Variants in PDE4B observed in about 807,000 individuals in gnomAD.
PDE4B encodes 3',5'-cyclic-AMP phosphodiesterase 4B.
In PDE4B, 20 loss-of-function variants were observed where a neutral mutation model predicts 82.2. The ratio of observed to expected loss-of-function variants is 0.24; its 90% CI spans 0.17 to 0.35. The LOEUF (loss-of-function observed/expected upper bound fraction) is 0.35, where lower values mean the gene tolerates loss of function less well. Ranked by LOEUF, PDE4B falls within the 10% of genes least tolerant of loss-of-function variation. PDE4B has a pLI of 1.00. For synonymous variants in PDE4B, 320 were observed against 318.9 expected, an observed-to-expected ratio of 1.00 and a Z score of -0.04; for missense variants, 655 against 907.2, an observed-to-expected ratio of 0.72 and a Z score of 3.57.
At position 65,814,159 on chromosome 1, in the gene PDE4B, C is replaced by G. The variant is rs530303730; in HGVS notation, c.-71+20911C>G. 6.2e-4 allele frequency among the ~76,000 whole-genome samples: 94 copies of G among 152,300 alleles called. 1 individual carries two copies. Among genetic ancestry groups the G allele is most frequent in the African/African-American group, 2.3e-3 (94 of 41,566 alleles). ...GACTACAGCACATTGCTTGCCAAAG[C>G]CTTGCCCGAGGCAGCTGCTGGTTGA... On this transcript the variant is annotated intron_variant, in intron 1 of 16. Transcript: ENST00000341517.
intron 4 of PDE4B, among the ~76,000 whole-genome samples, chr1:66,255,487 A>G (rs1353553525): frequency 6.6e-6 from 1 of 152,210 alleles, no homozygotes; most frequent in Non-Finnish European, 1.5e-5. Flanking sequence ...TATTCTCTAC[A>G]AATGTCTATA....
chr1:65,925,896 C>G (rs1295092589), intron 3 of PDE4B, among the ~76,000 whole-genome samples: 2 of 152,106 alleles, frequency 1.3e-5, no homozygotes, highest in East Asian at 1.9e-4. Context: ...TGCCTATGAC[C>G]CCACGCCCTC....
chr1:65,805,925 T>C (rs1645749930), intron 1 of PDE4B, among the ~76,000 whole-genome samples: 1 of 152,208 alleles, frequency 6.6e-6, no homozygotes, highest in South Asian at 2.1e-4. Context: ...ATTTCAAGAT[T>C]ATGTACCTGG....
chr1:66,366,246 A>G (rs1413400755), intron 13 of PDE4B, among the ~76,000 whole-genome samples: 1 of 152,146 alleles, frequency 6.6e-6, no homozygotes, highest in Non-Finnish European at 1.5e-5. Flanking sequence ...TCCACAGTTC[A>G]GAAGGAAGGG....
chr1:66,054,217 A>G (rs1412057436), intron 3 of PDE4B, among the ~76,000 whole-genome samples: 1 of 152,196 alleles, frequency 6.6e-6, no homozygotes, highest in Non-Finnish European at 1.5e-5. Context: ...CTAACGTGTA[A>G]TATGTTTGGA....
At chr1:66,045,133 A>T (rs1654618907) in intron 3 of PDE4B, among the ~76,000 whole-genome samples, 1 of 151,714 alleles carries the variant, frequency 6.6e-6, no homozygotes, top group African/African-American at 2.4e-5. Flanking sequence ...ACCAGGACTT[A>T]TGACTGTTTA....
intron 3 of PDE4B, among the ~76,000 whole-genome samples, chr1:66,202,471 T>C (rs1084490): frequency 0.46 from 70,424 of 152,024 alleles, 16,519 homozygotes; most frequent in African/African-American, 0.53. Context: ...ATTATTATTT[T>C]GTGGGAGTCT....
intron 1 of PDE4B, among the ~76,000 whole-genome samples, chr1:65,819,561 G>A (rs1645928209): frequency 6.6e-6 from 1 of 151,036 alleles, no homozygotes; most frequent in Non-Finnish European, 1.5e-5. Context: ...GAGTACAGTG[G>A]CGCGATCTCG....
In PDE4B at chr1:65,958,097, A is replaced by G. The variant is rs981206658; in HGVS notation, c.281+39262A>G. 4.6e-5 allele frequency among the ~76,000 whole-genome samples: 7 copies of G among 152,224 alleles called. No individual in the cohort carries two copies. The East Asian group carries it at 7.7e-4, about 17-fold the overall frequency. ...TCATATTGTACAGGGAATTGCAATC[A>G]GATTATGTCTGTTGTAGGCTTTTTA... On this transcript the variant is annotated intron_variant, in intron 3 of 16. Coordinates refer to ENST00000341517, the MANE Select transcript of PDE4B (RefSeq NM_002600.4).
chr1:66,153,483 G>A (rs1646443147), intron 3 of PDE4B, among the ~76,000 whole-genome samples: 1 of 152,086 alleles, frequency 6.6e-6, no homozygotes, highest in Admixed American at 6.6e-5. Context: ...AACCTCATGG[G>A]TTTTTTTGTT....
At chr1:66,131,316 A>T (rs1645937718) in intron 3 of PDE4B, among the ~76,000 whole-genome samples, 1 of 152,070 alleles carries the variant, frequency 6.6e-6, no homozygotes, top group African/African-American at 2.4e-5. Flanking sequence ...AGTCAATTCC[A>T]CTAAGCAGCT....
intron 3 of PDE4B, among the ~76,000 whole-genome samples, chr1:65,969,949 G>A (rs1028840954): frequency 6.6e-6 from 1 of 151,890 alleles, no homozygotes; most frequent in Non-Finnish European, 1.5e-5. Flanking sequence ...GAAAATTATG[G>A]TCCACTCTCA....
At chr1:65,926,728 T>C (rs536173172) in intron 3 of PDE4B, among the ~76,000 whole-genome samples, 29 of 152,270 alleles carry the variant, frequency 1.9e-4, no homozygotes, top group African/African-American at 6.7e-4. Context: ...TTTTGCTTTC[T>C]CTTGCTACTT....
chr1:66,199,705 A>G (rs545033447), intron 3 of PDE4B, among the ~76,000 whole-genome samples: 2 of 152,224 alleles, frequency 1.3e-5, no homozygotes, highest in African/African-American at 2.4e-5. Context: ...GGCCTTAAGT[A>G]GGAGATTCAC....
intron 7 of PDE4B, among the ~76,000 whole-genome samples, chr1:66,301,393 AT>A (rs1657886612): frequency 6.6e-6 from 1 of 151,948 alleles, no homozygotes; most frequent in South Asian, 2.1e-4. Flanking sequence ...TGTTGTTGTC[AT>A]TTTCTCTCCA....
At chr1:66,004,295 T>C (rs1161455650) in intron 3 of PDE4B, among the ~76,000 whole-genome samples, 1 of 152,138 alleles carries the variant, frequency 6.6e-6, no homozygotes, top group Non-Finnish European at 1.5e-5. Context: ...CTTAAAGATC[T>C]TTATAACATG....
At chr1:65,947,740 G>A (rs1029850697) in intron 3 of PDE4B, among the ~76,000 whole-genome samples, 1 of 151,756 alleles carries the variant, frequency 6.6e-6, no homozygotes, top group Non-Finnish European at 1.5e-5. Flanking sequence ...GGATTGCCTG[G>A]GGGCTACCAG....
At chr1:65,906,665 T>C (rs537489405) in intron 1 of PDE4B, among the ~76,000 whole-genome samples, 1 of 152,280 alleles carries the variant, frequency 6.6e-6, no homozygotes, top group South Asian at 2.1e-4. Context: ...CTCTGTTGTG[T>C]TATTGTTGAA....
Position 66,197,020 on chromosome 1 carries a change from G to A in PDE4B, c.282-50440G>A, listed in dbSNP as rs375423989. On this transcript the variant is annotated intron_variant, in intron 3 of 16. Coordinates refer to ENST00000341517, the MANE Select transcript of PDE4B (RefSeq NM_002600.4). ...TCAGGATAAAGAAAATAACAAAATT[G>A]GAATGCAAACCATACCAATTTGAAA... Among the ~76,000 whole-genome samples the A allele has an allele frequency of 5.3e-5, 8 of 151,888 alleles. No homozygotes were observed. The East Asian group carries it at 1.4e-3, about 26-fold the overall frequency.
Sources: gnomAD v4.1 joint callset for allele counts (sites outside exome capture counted in the v4.1 genomes callset) on GRCh38, gnomAD v4.1.1 for gene constraint, MANE v1.5 for transcripts, NCBI Gene and HGNC (gene_info 2026-07-23, HGNC 2026-07-21) for gene names.